UBA3: variants seen among roughly 807,000 people sequenced by gnomAD.
The protein encoded by UBA3 is NEDD8-activating enzyme E1 catalytic subunit.
Under a neutral mutation model 73.5 loss-of-function variants are expected in UBA3, and 26 were observed. That is an observed-to-expected ratio of 0.35 (90% confidence interval 0.26 to 0.49). The LOEUF (loss-of-function observed/expected upper bound fraction) is 0.49, where lower values mean the gene tolerates loss of function less well. Among genes scored for constraint, UBA3 ranks in the 20% least tolerant of loss-of-function variants. The pLI, the probability that UBA3 is intolerant of heterozygous loss-of-function variation, is 0.98. For missense variants in UBA3, 495 were observed against 555.6 expected (o/e 0.89, Z 1.10); for synonymous variants, 217 against 191.2 (o/e 1.13, Z -1.11).
At chr3:69,059,650 G>C (rs2092005873) in intron 11 of UBA3, among the ~76,000 whole-genome samples, 1 of 152,092 alleles carries the variant, frequency 6.6e-6, no homozygotes, top group African/African-American at 2.4e-5. Flanking sequence ...TCCGTGTAGG[G>C]AGAATGCAGA....
chr3:69,063,520 AAG>A lies in UBA3; in HGVS notation c.473-19_473-18del, dbSNP rs749157581. 6.4e-7 allele frequency: 1 copy of A among 1,551,506 alleles called. No homozygotes were observed. The highest frequency in any genetic ancestry group is 1.2e-5 in the South Asian group (1 of 80,910). On this transcript the variant is annotated intron_variant, in intron 7 of 17. Coordinates refer to ENST00000361055, the MANE Select transcript of UBA3 (RefSeq NM_003968.4). ...TATGAAATTCTACAAAAAAAAAAAA[AAG>A]CAACTTTAGTTTTTAAATATGTAGT...
chr3:69,079,868 G>A, intron 2 of UBA3: 1 of 497,938 alleles, frequency 2.0e-6, no homozygotes, highest in Non-Finnish European at 3.5e-6. Flanking sequence ...CAAGCACCCC[G>A]GAGGGCCCCT....
chr3:69,056,842 T>C (rs941438439), intron 12 of UBA3, 27 bp from the exon 13 acceptor site: 4 of 1,600,780 alleles, frequency 2.5e-6, no homozygotes, highest in Non-Finnish European at 3.4e-6. Flanking sequence ...ATACAGGTGC[T>C]TTAACTCAAT....
chr3:69,077,982 T>G (rs3772979), intron 2 of UBA3, 64 bp from the exon 3 acceptor site: 2 of 1,573,954 alleles, frequency 1.3e-6, no homozygotes, highest in South Asian at 1.2e-5. Context: ...CCTACAACTA[T>G]TATGGTATCC....
intron 5 of UBA3, among the ~76,000 whole-genome samples, chr3:69,069,570 G>A (rs1352303562): frequency 1.3e-5 from 2 of 151,996 alleles, no homozygotes; most frequent in African/African-American, 2.4e-5. Context: ...CAAGTGATCC[G>A]CCCACCTTAG....
chr3:69,079,851 T>C (rs953802847), intron 2 of UBA3: 3 of 487,290 alleles, frequency 6.2e-6, no homozygotes, highest in Non-Finnish European at 3.6e-6. Context: ...CCTCAAGACC[T>C]TTACGTCAAG....
At chr3:69,072,691 A>G (rs1033221646) in intron 4 of UBA3, among the ~76,000 whole-genome samples, 1 of 152,224 alleles carries the variant, frequency 6.6e-6, no homozygotes, top group African/African-American at 2.4e-5. Context: ...ATCTCAGACC[A>G]TCTTGTAAGA....
At chr3:69,071,514 C>T (rs750321188) in intron 5 of UBA3, 21 bp downstream of exon 5, 31 of 1,338,740 alleles carry the variant, frequency 2.3e-5, no homozygotes, top group Admixed American at 1.5e-4. Context: ...AAAAGAAAAC[C>T]GCTAAGATAT....
intron 4 of UBA3, among the ~76,000 whole-genome samples, chr3:69,073,158 A>G (rs2092135754): frequency 6.6e-6 from 1 of 152,136 alleles, no homozygotes; most frequent in South Asian, 2.1e-4. Flanking sequence ...AATCTCTCCA[A>G]TGACTTCATG....
chr3:69,063,506 A>C lies in UBA3; in HGVS notation c.473-3T>G. ...TCCACATACAATAATATGAAATTCTACAAAAAAAAAAAAAAGCAACTTTAG... is the reference window on the plus strand; with the variant it reads ...TCCACATACAATAATATGAAATTCTCCAAAAAAAAAAAAAAGCAACTTTAG... On this transcript the variant is annotated splice_polypyrimidine_tract_variant and splice_region_variant and intron_variant, in intron 7 of 17. Transcript: ENST00000361055. The C allele has an allele frequency of 6.6e-7, 1 of 1,517,552 alleles. No homozygotes were observed. The highest frequency in any genetic ancestry group is 8.8e-7 in the Non-Finnish European group (1 of 1,141,068). 94.0% of individuals were successfully genotyped at this position (1,517,552 alleles called of 1,614,324 possible).
chr3:69,071,621 T>A lies in UBA3; in HGVS notation c.265-4A>T. ...TCTGTCTAAAACCAGACAAGGCCTG[T>A]GGGAATAAAAACAATCCAATTAAGC... On this transcript the variant is annotated splice_region_variant and splice_polypyrimidine_tract_variant and intron_variant, in intron 4 of 17. Coordinates refer to ENST00000361055, the MANE Select transcript of UBA3 (RefSeq NM_003968.4). 6.5e-7 allele frequency: 1 copy of A among 1,528,014 alleles called. No homozygotes were observed. Among genetic ancestry groups the A allele is most frequent in the Non-Finnish European group, 8.7e-7 (1 of 1,144,958 alleles). The allele number at this position is 1,528,014 out of a possible 1,614,324, so 94.7% of individuals were successfully genotyped here.
At chr3:69,067,900 A>G (rs1352921435) in intron 6 of UBA3, 28 bp downstream of exon 6, 1 of 1,506,578 alleles carries the variant, frequency 6.6e-7, no homozygotes, top group Non-Finnish European at 9.2e-7. Context: ...TTAAAAATTA[A>G]GTAATTTTCT....
chr3:69,078,245 G>T (rs1053566492), intron 2 of UBA3, among the ~76,000 whole-genome samples: 1 of 151,900 alleles, frequency 6.6e-6, no homozygotes, highest in Non-Finnish European at 1.5e-5. Flanking sequence ...TCTACATTTG[G>T]TATTTACAAA....
chr3:69,068,510 G>GA (rs111540560), intron 5 of UBA3, among the ~76,000 whole-genome samples: 15 of 40,696 alleles, frequency 3.7e-4, no homozygotes, highest in Admixed American at 2.8e-3. Flanking sequence ...GAAAAAAAAA[G>GA]AAAAAAAAAA....
At chr3:69,056,561 T>C (rs760115392) in intron 14 of UBA3, 51 bp downstream of exon 14, 15 of 1,473,412 alleles carry the variant, frequency 1.0e-5, no homozygotes, top group Non-Finnish European at 1.3e-5. Context: ...ACCAATAATA[T>C]TTAAAAATCA....
intron 11 of UBA3, 21 bp downstream of exon 11, chr3:69,061,793 C>T: frequency 6.7e-7 from 1 of 1,486,206 alleles, no homozygotes; most frequent in Non-Finnish European, 9.2e-7. Context: ...CATCATAATT[C>T]ATGACAATTT....
Position 69,062,113 on chromosome 3 carries a change from T to G in UBA3, c.760A>C (p.Arg254=). The G allele has an allele frequency of 6.2e-7, 1 of 1,613,608 alleles. No homozygotes were observed. Among genetic ancestry groups the G allele is most frequent in the African/African-American group, 1.3e-5 (1 of 75,056 alleles). ...TGCTCCTTAGGCCACTGCAACATCC[T>G]TACATACTCAATACAGTGTTCTGGT... ...RLPEHCIEYV[R]MLQWPKEQPF... is the part of the protein sequence containing the mutation. The change falls in exon 10 of 18, where the codon AGG becomes CGG. Residue 254 remains arginine, a synonymous_variant. Transcript: ENST00000361055.
chr3:69,075,477 G>C lies in UBA3; in HGVS notation c.217C>G (p.Leu73Val), dbSNP rs1278307475. The C allele has an allele frequency of 1.3e-6, 2 of 1,567,504 alleles. No individual in the cohort carries two copies. Among genetic ancestry groups the C allele is most frequent in the Non-Finnish European group, 1.7e-6 (2 of 1,159,178 alleles). Residue 73 changes from leucine (L) to valine (V), a missense_variant, in exon 4 of 18, where the codon CTA becomes GTA. By Grantham distance (32) the Leu-to-Val change is conservative. Transcript: ENST00000361055. The stretch of plus-strand genomic sequence containing the variant: ...CCTAAGCCGCCAGCTCCAATGACTA[G>C]AACTTTACATGTATCTAACAAGAAC... ...LQFLLDTCKV[L>V]VIGAGGLGCE...
In UBA3 at chr3:69,071,560, T is replaced by C; in HGVS notation, c.322A>G (p.Asn108Asp). ...CTAAATAAAAACTGCCTATTTAGAT[T>C]GGAAACATCTATAGTGTCCATATCT... is the stretch of plus-strand genomic sequence containing the variant. The part of the protein sequence containing the change: ...VIDMDTIDVS[N>D]LNRQFLFRPK... The change falls in exon 5 of 18, where the codon AAT becomes GAT. Residue 108 changes from asparagine to aspartate, a missense_variant. Asn to Asp is a conservative substitution (Grantham distance 23, BLOSUM62 1). Coordinates refer to ENST00000361055, the MANE Select transcript of UBA3 (RefSeq NM_003968.4). 1 of 1,566,562 alleles carries C rather than the reference T, an allele frequency of 6.4e-7. No individual in the cohort carries two copies.
Sources: allele counts gnomAD v4.1 joint callset (sites outside exome capture counted in the v4.1 genomes callset), GRCh38; gene constraint gnomAD v4.1.1; transcripts MANE v1.5; gene names NCBI Gene and HGNC (gene_info 2026-07-23, HGNC 2026-07-21).